Variants in MIPOL1 observed in about 807,000 individuals in gnomAD.
The protein encoded by MIPOL1 is mirror-image polydactyly 1.
A neutral mutation model predicts 60.9 loss-of-function variants in MIPOL1; 57 were observed. The ratio of observed to expected loss-of-function variants is 0.94; its 90% CI spans 0.76 to 1.17. MIPOL1 has a LOEUF of 1.17. Among genes scored for constraint, MIPOL1 ranks in the 50% most tolerant of loss-of-function variants. The pLI is 0.00. For synonymous variants in MIPOL1, 179 were observed against 168.8 expected, an observed-to-expected ratio of 1.06 and a Z score of -0.47; for missense variants, 551 against 511.6, an observed-to-expected ratio of 1.08 and a Z score of -0.74.
At chr14:37,353,909 A>G (rs2091601188) in intron 9 of MIPOL1, among the ~76,000 whole-genome samples, 1 of 151,040 alleles carries the variant, frequency 6.6e-6, no homozygotes, top group Non-Finnish European at 1.5e-5. Flanking sequence ...TATTTCCTTC[A>G]GTTCTGCTCT....
intron 9 of MIPOL1, among the ~76,000 whole-genome samples, chr14:37,333,814 A>G (rs10151106): frequency 0.56 from 84,636 of 151,868 alleles, 25,388 homozygotes; most frequent in Non-Finnish European, 0.67. Flanking sequence ...TGTAATTGAC[A>G]GACGATTTGA....
At chr14:37,483,643 G>GT (rs949251183) in intron 11 of MIPOL1, among the ~76,000 whole-genome samples, 19 of 150,300 alleles carry the variant, frequency 1.3e-4, no homozygotes, top group East Asian at 7.9e-4. Flanking sequence ...GATTTGAAAT[G>GT]TTTTTTTTTA....
rs146963283 is a variant in MIPOL1, at chr14:37,284,963, T to C, written c.494-355T>C. 4.9e-3 allele frequency among the ~76,000 whole-genome samples: 741 copies of C among 152,368 alleles called. 3 individuals carry two copies. Among genetic ancestry groups the C allele is most frequent in the Admixed American group, 9.3e-3 (143 of 15,304 alleles). On this transcript the variant is annotated intron_variant, in intron 6 of 12. Coordinates refer to ENST00000684589, the MANE Select transcript of MIPOL1 (RefSeq NM_001388067.1). Reference sequence around the variant, plus strand: ...ATACCAAAGAGGGGATTTGCTAGCCTAGGCCTGTCTTCAACTTCAATAAAC... The same window carrying C: ...ATACCAAAGAGGGGATTTGCTAGCCCAGGCCTGTCTTCAACTTCAATAAAC...
In MIPOL1 at chr14:37,550,513, T is replaced by TATATATAC. The variant is rs1220895783; in HGVS notation, c.*3543_*3544insTATATACA. 6.8e-6 allele frequency: 1 copy of TATATATAC among 146,380 alleles called. No homozygotes were observed. The highest frequency in any genetic ancestry group is 2.5e-5 in the African/African-American group (1 of 39,436). 9.1% of individuals were successfully genotyped at this position (146,380 alleles called of 1,614,324 possible). A position where few individuals can be genotyped will look rare whatever the true frequency, so the allele number is the denominator to read the frequency against. Reference sequence around the variant, plus strand: ...TATTTTACATATATATATATATATATACATGCACACACACCGATACATTTA... The same window carrying TATATATAC: ...TATTTTACATATATATATATATATATATATATACACATGCACACACACCGATACATTTA... On this transcript the variant is annotated 3_prime_UTR_variant, in exon 13 of 13. Coordinates refer to ENST00000684589, the MANE Select transcript of MIPOL1 (RefSeq NM_001388067.1).
chr14:37,489,261 C>G (rs1289136843), intron 11 of MIPOL1, among the ~76,000 whole-genome samples: 1 of 152,114 alleles, frequency 6.6e-6, no homozygotes, highest in African/African-American at 2.4e-5. Flanking sequence ...GCTATTGATA[C>G]TTGTGTATGT....
chr14:37,379,593 TAA>T lies in MIPOL1; in HGVS notation c.936+9971_936+9972del, dbSNP rs1566480566. 3.9e-5 allele frequency among the ~76,000 whole-genome samples: 6 copies of T among 152,196 alleles called. No individual in the cohort carries two copies. In the South Asian group the frequency reaches 1.2e-3, roughly 32 times the overall value. Reference sequence around the variant, plus strand: ...GCAAGGAACTTATATCTAGAGTATATAAATCTTATAACTCAGCAAAGAAAAGG... The same window carrying T: ...GCAAGGAACTTATATCTAGAGTATATATCTTATAACTCAGCAAAGAAAAGG... On this transcript the variant is annotated intron_variant, in intron 10 of 12. Coordinates refer to ENST00000684589, the MANE Select transcript of MIPOL1 (RefSeq NM_001388067.1).
At chr14:37,360,119 T>A (rs1483817291) in intron 9 of MIPOL1, among the ~76,000 whole-genome samples, 1 of 152,138 alleles carries the variant, frequency 6.6e-6, no homozygotes, top group Admixed American at 6.5e-5. Context: ...TGATGTATTA[T>A]GTTTATTGAT....
intron 10 of MIPOL1, among the ~76,000 whole-genome samples, chr14:37,408,992 A>C (rs1156440354): frequency 2.0e-5 from 3 of 152,198 alleles, no homozygotes; most frequent in Admixed American, 6.5e-5. Context: ...AAACACATCT[A>C]TAGGAATATT....
In MIPOL1 at chr14:37,548,697, T is replaced by G. The variant is rs561895856; in HGVS notation, c.*1726T>G. ...AAAGTAGTCCATTCCTGATCTCACT[T>G]AAAATAAATCACAAGTAAATTTGAA... On this transcript the variant is annotated 3_prime_UTR_variant, in exon 13 of 13. Coordinates refer to ENST00000684589, the MANE Select transcript of MIPOL1 (RefSeq NM_001388067.1). 6.6e-6 allele frequency: 1 copy of G among 152,102 alleles called. No homozygotes were observed. Among genetic ancestry groups the G allele is most frequent in the Admixed American group, 6.5e-5 (1 of 15,292 alleles). 9.4% of individuals were successfully genotyped at this position (152,102 alleles called of 1,614,324 possible).
At chr14:37,491,785 C>G (rs1391153279) in intron 11 of MIPOL1, among the ~76,000 whole-genome samples, 1 of 152,088 alleles carries the variant, frequency 6.6e-6, no homozygotes, top group South Asian at 2.1e-4. Context: ...TCTGAAAGTA[C>G]TTTAGCAGGT....
chr14:37,517,533 G>C (rs574904226), intron 12 of MIPOL1, among the ~76,000 whole-genome samples: 1 of 152,088 alleles, frequency 6.6e-6, no homozygotes, highest in East Asian at 1.9e-4. Context: ...TTTGACTAAG[G>C]GAGAATCACT....
chr14:37,339,114 A>G (rs1008255264), intron 9 of MIPOL1, among the ~76,000 whole-genome samples: 5 of 152,246 alleles, frequency 3.3e-5, no homozygotes, highest in African/African-American at 1.2e-4. Flanking sequence ...TGCATATTTA[A>G]TCATGTATAA....
intron 1 of MIPOL1, among the ~76,000 whole-genome samples, chr14:37,202,260 T>C (rs1459057955): frequency 6.6e-6 from 1 of 152,186 alleles, no homozygotes; most frequent in Non-Finnish European, 1.5e-5. Flanking sequence ...TTGTTTTTTT[T>C]AGTCTTACTT....
intron 12 of MIPOL1, among the ~76,000 whole-genome samples, chr14:37,512,442 G>A (rs1189655107): frequency 6.6e-6 from 1 of 151,412 alleles, no homozygotes; most frequent in East Asian, 1.9e-4. Context: ...GTGGGTGCTG[G>A]GAAGAGGAAC....
In MIPOL1 at chr14:37,266,372, C is replaced by T. The variant is rs577936162; in HGVS notation, c.20-566C>T. Reference sequence around the variant, plus strand: ...TGGTTTGCATTAGATGGTCACCATGCTAGTTTTCTGTAATAGGCTGGCATT... The same window carrying T: ...TGGTTTGCATTAGATGGTCACCATGTTAGTTTTCTGTAATAGGCTGGCATT... On this transcript the variant is annotated intron_variant, in intron 3 of 12. Transcript: ENST00000684589. Among the ~76,000 whole-genome samples, 6 of 152,250 alleles carry T rather than the reference C, an allele frequency of 3.9e-5. No homozygotes were observed. The South Asian group carries it at 1.2e-3, about 32-fold the overall frequency.
chr14:37,502,298 TG>T, intron 12 of MIPOL1: 1 of 152,462 alleles, frequency 6.6e-6, no homozygotes, highest in Non-Finnish European at 1.5e-5. Flanking sequence ...CCTCCTCAAG[TG>T]GGTCCCTGAC....
intron 7 of MIPOL1, among the ~76,000 whole-genome samples, chr14:37,295,941 G>A (rs1474273325): frequency 6.6e-6 from 1 of 152,082 alleles, no homozygotes; most frequent in Non-Finnish European, 1.5e-5. Flanking sequence ...ACTCAGCTCT[G>A]CACCAAGCAG....
intron 3 of MIPOL1, among the ~76,000 whole-genome samples, chr14:37,250,570 A>G (rs1973920879): frequency 2.0e-5 from 3 of 152,128 alleles, no homozygotes; most frequent in Non-Finnish European, 2.9e-5. Flanking sequence ...ATTAGGAAAT[A>G]AAATTAAACA....
At chr14:37,511,061 T>C (rs1016745906) in intron 12 of MIPOL1, among the ~76,000 whole-genome samples, 1 of 152,332 alleles carries the variant, frequency 6.6e-6, no homozygotes, top group South Asian at 2.1e-4. Flanking sequence ...CATAGAATTA[T>C]AAATTTATTT....
Sources: gnomAD v4.1 joint callset for allele counts (sites outside exome capture counted in the v4.1 genomes callset) on GRCh38, gnomAD v4.1.1 for gene constraint, MANE v1.5 for transcripts, NCBI Gene and HGNC (gene_info 2026-07-23, HGNC 2026-07-21) for gene names.